Variants in MSH3 observed in about 807,000 individuals in gnomAD.
MSH3 encodes mutS homolog 3, also known as DNA mismatch repair protein Msh3.
Under a neutral mutation model 123.3 loss-of-function variants are expected in MSH3, and 106 were observed. The observed-to-expected ratio is 0.86, with a 90% CI of 0.73 to 1.01. The LOEUF (loss-of-function observed/expected upper bound fraction) is 1.01. Ranked by LOEUF, MSH3 falls within the 50% of genes least tolerant of loss-of-function variation. The pLI, the probability that MSH3 is intolerant of heterozygous loss-of-function variation, is 0.00. For synonymous variants in MSH3, 515 were observed against 481.4 expected (o/e 1.07, Z -0.91); for missense variants, 1,459 against 1,347.6 (o/e 1.08, Z -1.29).
rs1580599333 is a variant in MSH3 at position 80,744,495 on chromosome 5, GTCTT to G, written c.1654-6_1654-3del. ...TCTAGTTAATAAAACTTGTTTTCTG[GTCTT>G]TCTTAGACTGATATGAAAACCAAAG... On this transcript the variant is annotated splice_polypyrimidine_tract_variant and splice_region_variant and intron_variant, in intron 11 of 23. Transcript: ENST00000265081. The G allele has an allele frequency of 4.4e-6, 7 of 1,595,100 alleles. No homozygotes were observed. Among genetic ancestry groups the G allele is most frequent in the East Asian group, 2.2e-5 (1 of 44,736 alleles).
chr5:80,836,262 G>C (rs963445075), intron 20 of MSH3, among the ~76,000 whole-genome samples: 9 of 152,164 alleles, frequency 5.9e-5, no homozygotes, highest in African/African-American at 2.2e-4. Context: ...TGTGGATTGA[G>C]TAAGTTGTAT....
chr5:80,873,196 A>G lies in MSH3; in HGVS notation c.3211A>G (p.Asn1071Asp), dbSNP rs762178613. Residue 1071 changes from asparagine (N) to aspartate (D), a missense_variant, in exon 23 of 24, where the codon AAT (asparagine) becomes GAT (aspartate). Physicochemically the swap from Asn to Asp is conservative, Grantham distance 23. Coordinates refer to ENST00000265081, the MANE Select transcript of MSH3 (RefSeq NM_002439.5). ...AATTGCAGCAAGGAGTTATGGATTA[A>G]ATGTGGCTAAACTAGCAGATGTTCC... is the stretch of plus-strand genomic sequence containing the variant. ...RGIAARSYGL[N>D]VAKLADVPGE... 1.9e-6 allele frequency: 3 copies of G among 1,614,006 alleles called. No individual in the cohort carries two copies. The South Asian group carries it at 3.3e-5, about 18-fold the overall frequency.
At chr5:80,761,730 C>T (rs1744039469) in intron 13 of MSH3, 52 bp downstream of exon 13, 1 of 1,603,058 alleles carries the variant, frequency 6.2e-7, no homozygotes. Flanking sequence ...AGCTTGAGGA[C>T]ACTATATATT....
In MSH3 at chr5:80,685,398, G is replaced by A. The variant is rs1041402740; in HGVS notation, c.1340+6305G>A. ...ATTTCTTCGTGGTTCAATCTTGGTG[G>A]ATTGTGTGTGTTTAGGAATTTATCC... On this transcript the variant is annotated intron_variant, in intron 8 of 23. Coordinates refer to ENST00000265081, the MANE Select transcript of MSH3 (RefSeq NM_002439.5). 6.6e-5 allele frequency among the ~76,000 whole-genome samples: 10 copies of A among 151,824 alleles called. 1 individual carries two copies. In the East Asian group the frequency reaches 1.5e-3, roughly 23 times the overall value.
intron 8 of MSH3, among the ~76,000 whole-genome samples, chr5:80,718,807 C>T (rs1693114803): frequency 6.6e-6 from 1 of 152,062 alleles, no homozygotes; most frequent in South Asian, 2.1e-4. Context: ...AACCCAAGGG[C>T]CTAATGTATT....
chr5:80,746,426 T>C, intron 12 of MSH3: 1 of 446,498 alleles, frequency 2.2e-6, no homozygotes, highest in African/African-American at 2.0e-5. Flanking sequence ...GTCTTGCGAA[T>C]CTTCTCAGGA....
At chr5:80,674,251 A>G (rs1456022493) in intron 6 of MSH3, among the ~76,000 whole-genome samples, 1 of 152,124 alleles carries the variant, frequency 6.6e-6, no homozygotes, top group Non-Finnish European at 1.5e-5. Flanking sequence ...ATATGTCCAG[A>G]CTTTGCCCCA....
At position 80,654,898 on chromosome 5, in the gene MSH3, C is replaced by A; in HGVS notation, c.171C>A (p.Ala57=). 1 of 820,034 alleles carries A rather than the reference C, an allele frequency of 1.2e-6. No homozygotes were observed. Among genetic ancestry groups the A allele is most frequent in the Non-Finnish European group, 1.7e-6 (1 of 600,234 alleles). The allele number at this position is 820,034 out of a possible 1,614,324, so 50.8% of individuals were successfully genotyped here. A position where few individuals can be genotyped will look rare whatever the true frequency, so the allele number is the denominator to read the frequency against. Residue 57 remains alanine (A), a synonymous_variant, in exon 1 of 24, where the codon GCC becomes GCA. Coordinates refer to ENST00000265081, the MANE Select transcript of MSH3 (RefSeq NM_002439.5). The part of the protein sequence containing the change: ...VDPGAAAAAA[A]AAAAAPPAPP... ...CTGGCGCTGCAGCGGCTGCAGCGGC[C>A]GCAGCGGCCGCAGCGCCCCCAGCGC...
In MSH3 at chr5:80,824,150, C is replaced by T. The variant is rs184121405; in HGVS notation, c.2813+10409C>T. On this transcript the variant is annotated intron_variant, in intron 20 of 23. Transcript: ENST00000265081. ...TCTCTGTCTTTTCCCCACATTTCCCCCTTTTCTATTCCACAAAACCGCCAT... is the reference window on the plus strand; with the variant it reads ...TCTCTGTCTTTTCCCCACATTTCCCTCTTTTCTATTCCACAAAACCGCCAT... Among the ~76,000 whole-genome samples the T allele has an allele frequency of 1.2e-3, 186 of 152,336 alleles. 1 individual carries two copies. The highest frequency in any genetic ancestry group is 4.3e-3 in the African/African-American group (180 of 41,588).
At chr5:80,781,901 C>G (rs1028868657) in intron 17 of MSH3, among the ~76,000 whole-genome samples, 1 of 151,772 alleles carries the variant, frequency 6.6e-6, no homozygotes, top group Non-Finnish European at 1.5e-5. Flanking sequence ...TTGAGAGTTG[C>G]GAAGAGTGAG....
chr5:80,871,543 A>G (rs973042662), intron 22 of MSH3, among the ~76,000 whole-genome samples: 3 of 152,014 alleles, frequency 2.0e-5, no homozygotes, highest in Non-Finnish European at 2.9e-5. Flanking sequence ...GCCTCCCAAT[A>G]TCTGCTTCCA....
At chr5:80,858,197 A>T (rs142711000) in intron 21 of MSH3, among the ~76,000 whole-genome samples, 1 of 152,206 alleles carries the variant, frequency 6.6e-6, no homozygotes, top group East Asian at 1.9e-4. Flanking sequence ...GGCACATGCC[A>T]CAACACCCAG....
At chr5:80,781,813 C>CT (rs1218209344) in intron 17 of MSH3, among the ~76,000 whole-genome samples, 5 of 152,164 alleles carry the variant, frequency 3.3e-5, no homozygotes, top group African/African-American at 1.2e-4. Flanking sequence ...TCAAACCATT[C>CT]TTACTGTATT....
At chr5:80,775,670 T>C (rs1744284868) in intron 15 of MSH3, 24 bp from the exon 16 acceptor site, 1 of 1,305,346 alleles carries the variant, frequency 7.7e-7, no homozygotes, top group African/African-American at 1.5e-5. Flanking sequence ...TATCTAAATC[T>C]CTGTTTATTT....
At chr5:80,812,244 C>A (rs1671681044) in intron 19 of MSH3, among the ~76,000 whole-genome samples, 2 of 152,234 alleles carry the variant, frequency 1.3e-5, no homozygotes, top group South Asian at 4.1e-4. Context: ...TTCTTTTTAT[C>A]CCCCATTAGT....
At chr5:80,658,814 T>C (rs1749357450) in intron 2 of MSH3, among the ~76,000 whole-genome samples, 1 of 152,018 alleles carries the variant, frequency 6.6e-6, no homozygotes, top group Non-Finnish European at 1.5e-5. Flanking sequence ...ACCAGATTGG[T>C]CTTGAATTCC....
chr5:80,822,902 C>T (rs1489498038), intron 20 of MSH3, among the ~76,000 whole-genome samples: 1 of 152,178 alleles, frequency 6.6e-6, no homozygotes, highest in Non-Finnish European at 1.5e-5. Flanking sequence ...GGCCCAATTG[C>T]CAATCACTGT....
intron 8 of MSH3, among the ~76,000 whole-genome samples, chr5:80,683,406 T>TTTAA (rs1384929125): frequency 6.6e-6 from 1 of 152,192 alleles, no homozygotes; most frequent in Non-Finnish European, 1.5e-5. Flanking sequence ...CCATTTTAAC[T>TTTAA]GAGGTGAGAT....
chr5:80,737,160 A>C (rs1369946703), intron 10 of MSH3, among the ~76,000 whole-genome samples: 1 of 152,266 alleles, frequency 6.6e-6, no homozygotes, highest in East Asian at 1.9e-4. Context: ...TATTTTATAA[A>C]TCAAATTAAC....
Sources: gnomAD v4.1 joint callset for allele counts (sites outside exome capture counted in the v4.1 genomes callset) on GRCh38, gnomAD v4.1.1 for gene constraint, MANE v1.5 for transcripts, NCBI Gene and HGNC (gene_info 2026-07-23, HGNC 2026-07-21) for gene names.